The following THSD4 variants were observed in gnomAD, a reference collection of about 807,000 sequenced individuals.
The protein encoded by THSD4 is thrombospondin type-1 domain-containing protein 4.
Under a neutral mutation model 119.0 loss-of-function variants are expected in THSD4, and 69 were observed. The ratio of observed to expected loss-of-function variants is 0.58; its 90% confidence interval spans 0.48 to 0.71. THSD4 has a LOEUF of 0.71. THSD4 is among the 30% of genes least tolerant of loss of function. THSD4 has a pLI of 0.00. For missense variants in THSD4, 1,393 were observed against 1,391.1 expected, an observed-to-expected ratio of 1.00 and a Z score of -0.02; for synonymous variants, 524 against 540.4, an observed-to-expected ratio of 0.97 and a Z score of 0.42.
In THSD4 at chr15:71,216,924, G is replaced by A. The variant is rs183734168; in HGVS notation, c.464+1525G>A. ...CTATTCTCATGCCTCAGCCTCCCGA[G>A]CAGCTGGGATTACAGGCATGCACCA... On this transcript the variant is annotated intron_variant, in intron 4 of 17. Coordinates refer to ENST00000261862, the MANE Select transcript of THSD4 (RefSeq NM_024817.3). 2.4e-4 allele frequency among the ~76,000 whole-genome samples: 36 copies of A among 152,258 alleles called. 1 individual carries two copies. Among genetic ancestry groups the A allele is most frequent in the Admixed American group, 2.2e-3 (33 of 15,300 alleles).
intron 7 of THSD4, among the ~76,000 whole-genome samples, chr15:71,616,999 A>G (rs2050329141): frequency 6.6e-6 from 1 of 152,234 alleles, no homozygotes; most frequent in Admixed American, 6.5e-5. Context: ...GTTTAAAGGG[A>G]CTTCCAACCT....
chr15:71,726,185 A>G (rs1280653995), intron 8 of THSD4, among the ~76,000 whole-genome samples: 1 of 152,108 alleles, frequency 6.6e-6, no homozygotes, highest in East Asian at 1.9e-4. Context: ...AGCTGAATTG[A>G]TCTTGTAATT....
rs147926088 is a variant in THSD4, at chr15:71,275,950, C to G, written c.1015+19235C>G. On this transcript the variant is annotated intron_variant, in intron 6 of 17. Transcript: ENST00000261862. ...TTAAACTTCTTTCCTTTGTAAATTA[C>G]CCAGTCTAGCGTAAGTTTCTATCAG... is the stretch of plus-strand genomic sequence containing the variant. Among the ~76,000 whole-genome samples the G allele has an allele frequency of 3.1e-3, 470 of 152,254 alleles. 3 individuals carry two copies. The highest frequency in any genetic ancestry group is 0.011 in the African/African-American group (449 of 41,534).
chr15:71,606,664 C>CCGAG (rs776797566), intron 7 of THSD4, among the ~76,000 whole-genome samples: 6 of 152,306 alleles, frequency 3.9e-5, no homozygotes, highest in Non-Finnish European at 8.8e-5. Context: ...CCTCAGCCTC[C>CCGAG]CGAGTAGCTG....
At chr15:71,681,279 T>G (rs551522722) in intron 8 of THSD4, among the ~76,000 whole-genome samples, 1 of 152,306 alleles carries the variant, frequency 6.6e-6, no homozygotes, top group Non-Finnish European at 1.5e-5. Flanking sequence ...TGGTTAGAGA[T>G]CCACATAATT....
At chr15:71,281,630 A>G (rs891559748) in intron 6 of THSD4, among the ~76,000 whole-genome samples, 1 of 152,228 alleles carries the variant, frequency 6.6e-6, no homozygotes, top group African/African-American at 2.4e-5. Context: ...TTTAGTAAAT[A>G]TAGTACTTGA....
At position 71,146,625 on chromosome 15, in the gene THSD4, G is replaced by T. The variant is rs181682770; in HGVS notation, c.29+5069G>T. Among the ~76,000 whole-genome samples, 14 of 152,292 alleles carry T rather than the reference G, an allele frequency of 9.2e-5. No individual in the cohort carries two copies. The East Asian group carries it at 2.5e-3, about 27-fold the overall frequency. ...GCAATAGCAACTGGCATAAACAGGTGTGGAAACATGGTTGACACTATATGA... is the reference window on the plus strand; with the variant it reads ...GCAATAGCAACTGGCATAAACAGGTTTGGAAACATGGTTGACACTATATGA... On this transcript the variant is annotated intron_variant, in intron 2 of 17. Coordinates refer to ENST00000261862, the MANE Select transcript of THSD4 (RefSeq NM_024817.3).
chr15:71,434,615 G>C (rs78333862), intron 7 of THSD4, among the ~76,000 whole-genome samples: 3 of 151,912 alleles, frequency 2.0e-5, no homozygotes, highest in African/African-American at 7.3e-5. Flanking sequence ...TTTCCAAAAG[G>C]CCTGTGAAGT....
intron 7 of THSD4, among the ~76,000 whole-genome samples, chr15:71,595,840 A>G (rs1329632953): frequency 6.6e-6 from 1 of 152,232 alleles, no homozygotes; most frequent in African/African-American, 2.4e-5. Context: ...ACCAAGACCC[A>G]AAGAAGCTAA....
intron 6 of THSD4, among the ~76,000 whole-genome samples, chr15:71,373,307 G>A (rs2046083857): frequency 6.6e-6 from 1 of 152,116 alleles, no homozygotes; most frequent in African/African-American, 2.4e-5. Context: ...AGTGAATTTT[G>A]TATTATGGTC....
intron 5 of THSD4, among the ~76,000 whole-genome samples, chr15:71,243,491 T>A (rs1354186881): frequency 6.6e-6 from 1 of 152,168 alleles, no homozygotes; most frequent in African/African-American, 2.4e-5. Context: ...CTAGGTATTG[T>A]AGCATGAAGA....
chr15:71,705,884 G>A (rs189387803), intron 8 of THSD4, among the ~76,000 whole-genome samples: 40 of 152,290 alleles, frequency 2.6e-4, no homozygotes, highest in Non-Finnish European at 4.3e-4. Flanking sequence ...AAACTGTGAC[G>A]GTAATCCAGA....
intron 6 of THSD4, among the ~76,000 whole-genome samples, chr15:71,380,960 G>T (rs536325642): frequency 6.6e-6 from 1 of 151,952 alleles, no homozygotes; most frequent in African/African-American, 2.4e-5. Context: ...ATTTAATGTC[G>T]TCCCTCTGTA....
intron 3 of THSD4, among the ~76,000 whole-genome samples, chr15:71,182,880 C>T (rs1034461129): frequency 2.6e-5 from 4 of 151,758 alleles, no homozygotes; most frequent in African/African-American, 9.7e-5. Flanking sequence ...GAGCAGAAGT[C>T]AATGTCCTTT....
chr15:71,636,506 C>CT (rs2050746593), intron 7 of THSD4, among the ~76,000 whole-genome samples: 2 of 152,156 alleles, frequency 1.3e-5, no homozygotes, highest in African/African-American at 4.8e-5. Context: ...AAACAAAAAT[C>CT]AGAGATACTC....
intron 3 of THSD4, among the ~76,000 whole-genome samples, chr15:71,214,648 G>A (rs2043915216): frequency 6.6e-6 from 1 of 152,218 alleles, no homozygotes; most frequent in African/African-American, 2.4e-5. Flanking sequence ...CTCAACCACA[G>A]TGTCCATCCA....
chr15:71,309,953 C>T (rs1025364153), intron 6 of THSD4, among the ~76,000 whole-genome samples: 36 of 152,320 alleles, frequency 2.4e-4, no homozygotes, highest in African/African-American at 7.9e-4. Context: ...GGACACCCAG[C>T]ATTGATGGCT....
At chr15:71,636,313 C>G (rs1232249462) in intron 7 of THSD4, among the ~76,000 whole-genome samples, 2 of 152,072 alleles carry the variant, frequency 1.3e-5, no homozygotes, top group African/African-American at 4.8e-5. Context: ...ATCCCAGCAA[C>G]TCGGGAGGCT....
intron 14 of THSD4, among the ~76,000 whole-genome samples, chr15:71,753,030 G>A (rs1320233517): frequency 6.6e-6 from 1 of 152,202 alleles, no homozygotes; most frequent in Non-Finnish European, 1.5e-5. Context: ...GCTCAAGAGG[G>A]AGAGACCAAA....
Sources: gnomAD v4.1 joint callset for allele counts (sites outside exome capture counted in the v4.1 genomes callset) on GRCh38, gnomAD v4.1.1 for gene constraint, MANE v1.5 for transcripts, NCBI Gene and HGNC (gene_info 2026-07-23, HGNC 2026-07-21) for gene names.